Variants in MTF2 observed in about 807,000 individuals in gnomAD.
MTF2 encodes metal response element binding transcription factor 2.
MTF2 carries 11 observed loss-of-function variants against 79.5 expected under a neutral mutation model. The ratio of observed to expected loss-of-function variants is 0.14; its 90% confidence interval spans 0.09 to 0.23. The LOEUF is 0.23. Among genes scored for constraint, MTF2 ranks in the 10% least tolerant of loss-of-function variants. MTF2 has a pLI of 1.00. For synonymous variants in MTF2, 208 were observed against 232.8 expected, an observed-to-expected ratio of 0.89 and a Z score of 0.97; for missense variants, 486 against 711.2, an observed-to-expected ratio of 0.68 and a Z score of 3.60.
At chr1:93,103,246 T>TTA (rs199809308) in intron 1 of MTF2, among the ~76,000 whole-genome samples, 2,294 of 151,366 alleles carry the variant, frequency 0.015, 27 homozygotes, top group Non-Finnish European at 0.023. Flanking sequence ...TAGTATTTTA[T>TTA]TATATATATA....
intron 1 of MTF2, among the ~76,000 whole-genome samples, chr1:93,101,465 G>C (rs969560214): frequency 2.1e-5 from 3 of 139,682 alleles, no homozygotes; most frequent in Non-Finnish European, 4.5e-5. Flanking sequence ...CTGCAGTCTC[G>C]AACTCCTGAG....
chr1:93,112,291 G>T (rs1369788486), intron 3 of MTF2, among the ~76,000 whole-genome samples: 1 of 152,080 alleles, frequency 6.6e-6, no homozygotes, highest in Non-Finnish European at 1.5e-5. Context: ...GTGAGGAGTG[G>T]GTTTAGTAGT....
Position 93,115,636 on chromosome 1 carries a change from T to C in MTF2, c.632+18T>C, listed in dbSNP as rs768778509. On this transcript the variant is annotated intron_variant, in intron 6 of 14. Coordinates refer to ENST00000370298, the MANE Select transcript of MTF2 (RefSeq NM_007358.4). ...CCTGGAGAGTAAGTAAATACAGTTA[T>C]GTAATTCCCTTTAAGTAATTTTTAT... 1.1e-5 allele frequency: 16 copies of C among 1,502,428 alleles called. 2 individuals carry two copies. In the South Asian group the frequency reaches 1.5e-4, roughly 14 times the overall value. The allele number at this position is 1,502,428 out of a possible 1,614,324, so 93.1% of individuals were successfully genotyped here.
Position 93,137,021 on chromosome 1 carries a change from A to C in MTF2, c.1776A>C (p.Ala592=), listed in dbSNP as rs780299209. The change falls in exon 15 of 15, where the codon GCA becomes GCC. Residue 592 remains alanine, a synonymous_variant. Coordinates refer to ENST00000370298, the MANE Select transcript of MTF2 (RefSeq NM_007358.4). The part of the protein sequence containing the change: ...QYLVEWEGAT[A]S ...TTGTGGAATGGGAAGGAGCAACTGC[A>C]TCCTGACTGTAGGACTGAACATTAT... is the stretch of plus-strand genomic sequence containing the variant. 1.2e-6 allele frequency: 2 copies of C among 1,612,992 alleles called. No homozygotes were observed. The highest frequency in any genetic ancestry group is 2.7e-5 in the African/African-American group (2 of 74,832).
chr1:93,132,137 G>A (rs1656944150), intron 11 of MTF2, among the ~76,000 whole-genome samples: 1 of 152,184 alleles, frequency 6.6e-6, no homozygotes, highest in Non-Finnish European at 1.5e-5. Flanking sequence ...ACAGAGAGGG[G>A]AATTTAAGGG....
At chr1:93,134,026 G>C (rs1372040875) in intron 13 of MTF2, 46 bp downstream of exon 13, 1 of 1,551,574 alleles carries the variant, frequency 6.4e-7, no homozygotes, top group Non-Finnish European at 8.8e-7. Context: ...TGTCTTTTGA[G>C]TAGATATTAA....
chr1:93,103,324 C>T (rs1001248273), intron 1 of MTF2, among the ~76,000 whole-genome samples: 19 of 151,418 alleles, frequency 1.3e-4, no homozygotes, highest in African/African-American at 4.6e-4. Context: ...TATATTACTG[C>T]TTATGTTAAA....
chr1:93,079,575 G>A, intron 1 of MTF2, 44 bp downstream of exon 1: 2 of 1,611,570 alleles, frequency 1.2e-6, no homozygotes, highest in Non-Finnish European at 1.7e-6. Context: ...GGAGGAGATG[G>A]GGGTTGGGGG....
intron 1 of MTF2, among the ~76,000 whole-genome samples, chr1:93,088,164 C>T (rs555692950): frequency 2.0e-5 from 3 of 152,102 alleles, no homozygotes; most frequent in African/African-American, 7.2e-5. Flanking sequence ...ATAATGACAA[C>T]GCTGAACTTT....
intron 11 of MTF2, 106 bp from the exon 12 acceptor site, chr1:93,133,597 A>T (rs1284272451): frequency 2.1e-6 from 1 of 468,656 alleles, no homozygotes; most frequent in African/African-American, 2.0e-5. Context: ...ATTACCATTA[A>T]TATAAAATAA....
At chr1:93,117,729 T>TG (rs1656305312) in intron 6 of MTF2, among the ~76,000 whole-genome samples, 1 of 151,958 alleles carries the variant, frequency 6.6e-6, no homozygotes, top group African/African-American at 2.4e-5. Context: ...AGAGTTGATG[T>TG]GAAAAAAAGC....
At chr1:93,089,135 T>C (rs926277461) in intron 1 of MTF2, among the ~76,000 whole-genome samples, 1 of 152,220 alleles carries the variant, frequency 6.6e-6, no homozygotes, top group African/African-American at 2.4e-5. Context: ...TTTTTAATTC[T>C]AGGGGGCTCA....
At chr1:93,110,861 A>G (rs1656002609) in intron 3 of MTF2, among the ~76,000 whole-genome samples, 2 of 152,222 alleles carry the variant, frequency 1.3e-5, no homozygotes, top group Non-Finnish European at 2.9e-5. Context: ...AGACCCTTCT[A>G]AGAACTTTGA....
chr1:93,111,704 T>G (rs2101059073), intron 3 of MTF2, among the ~76,000 whole-genome samples: 1 of 152,272 alleles, frequency 6.6e-6, no homozygotes, highest in African/African-American at 2.4e-5. Context: ...AATTACATTT[T>G]GAATCTGAAA....
Position 93,102,639 on chromosome 1 carries a change from C to G in MTF2, c.6-7591C>G, listed in dbSNP as rs115640743. 8.3e-3 allele frequency among the ~76,000 whole-genome samples: 1,266 copies of G among 151,986 alleles called. 17 individuals are homozygous for G. The highest frequency in any genetic ancestry group is 0.029 in the African/African-American group (1,211 of 41,430). On this transcript the variant is annotated intron_variant, in intron 1 of 14. Coordinates refer to ENST00000370298, the MANE Select transcript of MTF2 (RefSeq NM_007358.4). The stretch of plus-strand genomic sequence containing the variant: ...CTATGAGAAACATGCTTTTTTACTA[C>G]TACTAATAGAGTTGTAGATAGAAAT...
intron 1 of MTF2, among the ~76,000 whole-genome samples, chr1:93,090,018 CCGGGCTGGAGCG>C (rs1352010761): frequency 1.3e-5 from 2 of 152,048 alleles, no homozygotes; most frequent in African/African-American, 2.4e-5. Context: ...GCTCTGTCCC[CCGGGCTGGAGCG>C]CGGTAGCACG....
In MTF2 at chr1:93,079,491, C is replaced by T; in HGVS notation, c.-36C>T. 6.2e-7 allele frequency: 1 copy of T among 1,613,818 alleles called. No homozygotes were observed. Among genetic ancestry groups the T allele is most frequent in the Non-Finnish European group, 8.5e-7 (1 of 1,179,962 alleles). On this transcript the variant is annotated 5_prime_UTR_variant, in exon 1 of 15. Coordinates refer to ENST00000370298, the MANE Select transcript of MTF2 (RefSeq NM_007358.4). ...CACGGGGACGGATTGGTTGTTTTTT[C>T]CTGTATGAAGCGGTTGGCACCACTG...
At position 93,136,934 on chromosome 1, in the gene MTF2, A is replaced by G. The variant is rs753518843; in HGVS notation, c.1689A>G (p.Ala563=). ...TSYFGAAGRI[A]CGEKYRVLAR... Reference sequence around the variant, plus strand: ...ATTTTGGTGCTGCAGGTAGAATAGCATGTGGCGAAAAATACCGAGTTTTGG... The same window carrying G: ...ATTTTGGTGCTGCAGGTAGAATAGCGTGTGGCGAAAAATACCGAGTTTTGG... Residue 563 remains alanine, a synonymous_variant, in exon 15 of 15, where the codon GCA becomes GCG. Transcript: ENST00000370298. 2 of 1,614,160 alleles carry G rather than the reference A, an allele frequency of 1.2e-6. No individual in the cohort carries two copies. The highest frequency in any genetic ancestry group is 1.7e-6 in the Non-Finnish European group (2 of 1,180,000).
chr1:93,120,264 A>G (rs1246690519), intron 8 of MTF2: 4 of 207,646 alleles, frequency 1.9e-5, no homozygotes, highest in Non-Finnish European at 3.7e-5. Context: ...CCATTGTACT[A>G]CTCCAGCCTG....
Sources: gnomAD v4.1 joint callset for allele counts (sites outside exome capture counted in the v4.1 genomes callset) on GRCh38, gnomAD v4.1.1 for gene constraint, MANE v1.5 for transcripts, NCBI Gene and HGNC (gene_info 2026-07-23, HGNC 2026-07-21) for gene names.